The following GANAB variants were observed in gnomAD, a reference collection of about 807,000 sequenced individuals.
GANAB encodes glucosidase II alpha subunit.
Under a neutral mutation model 129.9 loss-of-function variants are expected in GANAB, and 35 were observed. The observed-to-expected ratio is 0.27, with a 90% CI of 0.21 to 0.36. The LOEUF (loss-of-function observed/expected upper bound fraction) is 0.36. GANAB is among the 10% of genes least tolerant of loss of function. The pLI, the probability that GANAB is intolerant of heterozygous loss-of-function variation, is 1.00. For missense variants in GANAB, 939 were observed against 1,221.0 expected, an observed-to-expected ratio of 0.77 and a Z score of 3.44; for synonymous variants, 482 against 451.8, an observed-to-expected ratio of 1.07 and a Z score of -0.85.
In GANAB at chr11:62,626,115, A is replaced by G; in HGVS notation, c.2675T>C (p.Val892Ala). Residue 892 changes from valine (V) to alanine (A), a missense_variant, in exon 23 of 24, where the codon GTG becomes GCG. Transcript: ENST00000356638. ...TGGCTTTCCAGCCCCTATTATCACC[A>G]CCCGCTCAATCCAGATTGGTGTCTC... ...HFETPIWIERVVIIGAGKPAA... is the reference protein window; with the variant it reads ...HFETPIWIERAVIIGAGKPAA... 6.2e-7 allele frequency: 1 copy of G among 1,613,712 alleles called. No homozygotes were observed.
intron 1 of GANAB, among the ~76,000 whole-genome samples, chr11:62,646,095 G>A (rs1054919473): frequency 6.6e-5 from 10 of 152,334 alleles, no homozygotes; most frequent in African/African-American, 2.4e-4. Context: ...AGGATTCGGA[G>A]CTCTACAGGG....
At position 62,630,618 on chromosome 11, in the gene GANAB, C is replaced by T. The variant is rs1943626259; in HGVS notation, c.1369G>A (p.Ala457Thr). ...CCCCTTACCTTCCGCCTCTTAGAAG[C>T]CAAGCGCTCAAGCATGGTGCGGGGC... ...PQPRTMLERL[A>T]SKRRKLVAIV... is the part of the protein sequence containing the mutation. The change falls in exon 11 of 24, where the codon GCT becomes ACT. Residue 457 changes from alanine to threonine, a missense_variant. Physicochemically the swap from Ala to Thr is moderately conservative, Grantham distance 58. This residue lies in a region of GANAB where 220 missense variants were observed against 295.9 expected (regional missense o/e 0.74). Transcript: ENST00000356638. The T allele has an allele frequency of 1.9e-6, 3 of 1,611,994 alleles. No homozygotes were observed. Among genetic ancestry groups the T allele is most frequent in the South Asian group, 1.1e-5 (1 of 91,050 alleles).
intron 1 of GANAB, among the ~76,000 whole-genome samples, chr11:62,643,966 C>T (rs1195920526): frequency 2.0e-5 from 3 of 152,148 alleles, no homozygotes; most frequent in Non-Finnish European, 1.5e-5. Context: ...TTTTTTGAAA[C>T]TGAGTTTCAC....
rs1302293629 is a variant in GANAB at position 62,625,439 on chromosome 11, G to A, written c.*376C>T. The stretch of plus-strand genomic sequence containing the variant: ...TTGCCCTCATCTTCTTCCAAGAAGT[G>A]GCATCAACATACAAGAGGCATGAAT... On this transcript the variant is annotated 3_prime_UTR_variant, in exon 24 of 24. Coordinates refer to ENST00000356638, the MANE Select transcript of GANAB (RefSeq NM_198334.3). 2 of 396,552 alleles carry A rather than the reference G, an allele frequency of 5.0e-6. No homozygotes were observed. The highest frequency in any genetic ancestry group is 6.7e-5 in the East Asian group (1 of 14,818). 24.6% of individuals were successfully genotyped at this position (396,552 alleles called of 1,614,324 possible).
At chr11:62,643,402 C>T (rs896498539) in intron 1 of GANAB, among the ~76,000 whole-genome samples, 1 of 151,976 alleles carries the variant, frequency 6.6e-6, no homozygotes, top group Non-Finnish European at 1.5e-5. Context: ...CTTTGTGAAG[C>T]TGAGGCGGGT....
At chr11:62,641,010 A>C (rs929508260) in intron 1 of GANAB, among the ~76,000 whole-genome samples, 1 of 151,988 alleles carries the variant, frequency 6.6e-6, no homozygotes, top group African/African-American at 2.4e-5. Flanking sequence ...ACATCTTTCT[A>C]TCGGCAAGGC....
intron 17 of GANAB, among the ~76,000 whole-genome samples, chr11:62,628,108 T>G (rs1355223988): frequency 6.6e-6 from 1 of 152,182 alleles, no homozygotes; most frequent in Admixed American, 6.5e-5. Context: ...TTTAGAATTT[T>G]TGTACTTGCA....
intron 1 of GANAB, among the ~76,000 whole-genome samples, chr11:62,643,420 C>T (rs1259030089): frequency 6.6e-6 from 1 of 151,804 alleles, no homozygotes; most frequent in Non-Finnish European, 1.5e-5. Flanking sequence ...GGTGGATCAC[C>T]TGAGGTCAGG....
intron 4 of GANAB, among the ~76,000 whole-genome samples, chr11:62,635,372 G>A (rs912374083): frequency 6.6e-6 from 1 of 151,746 alleles, no homozygotes; most frequent in African/African-American, 2.4e-5. Context: ...TAGTAGAGAT[G>A]GGGTTTCTTC....
chr11:62,637,925 C>T (rs1944021809), intron 4 of GANAB, among the ~76,000 whole-genome samples: 1 of 151,234 alleles, frequency 6.6e-6, no homozygotes, highest in Non-Finnish European at 1.5e-5. Flanking sequence ...AAAACGGAAA[C>T]CCCAGAAGAC....
chr11:62,635,629 C>CTTT (rs879709853), intron 4 of GANAB, among the ~76,000 whole-genome samples: 1,628 of 142,038 alleles, frequency 0.011, 18 homozygotes, highest in African/African-American at 0.027. Context: ...TGATGTACTT[C>CTTT]TTTTTTTTTT....
Position 62,625,319 on chromosome 11 carries a change from G to C in GANAB, c.*496C>G, listed in dbSNP as rs528749214. 1.3e-5 allele frequency: 6 copies of C among 454,742 alleles called. No homozygotes were observed. Among genetic ancestry groups the C allele is most frequent in the South Asian group, 9.3e-5 (6 of 64,322 alleles). The allele number at this position is 454,742 out of a possible 1,614,324, so 28.2% of individuals were successfully genotyped here. On this transcript the variant is annotated 3_prime_UTR_variant, in exon 24 of 24. Transcript: ENST00000356638. Reference sequence around the variant, plus strand: ...GGGTAAGGGGTGGTCCCAGTGTATCGGTGGGGCATAAAAAGGGGAGTAAAG... The same window carrying C: ...GGGTAAGGGGTGGTCCCAGTGTATCCGTGGGGCATAAAAAGGGGAGTAAAG...
intron 15 of GANAB, 95 bp from the exon 16 acceptor site, chr11:62,629,390 CCT>C: frequency 1.1e-6 from 1 of 945,638 alleles, no homozygotes; most frequent in Non-Finnish European, 1.7e-6. Context: ...TCCCCAGAAC[CCT>C]GCTGAAGATG....
chr11:62,626,762 G>T, intron 20 of GANAB, 78 bp from the exon 21 acceptor site: 1 of 1,307,986 alleles, frequency 7.6e-7, no homozygotes, highest in Non-Finnish European at 1.1e-6. Flanking sequence ...GCTTACTCAT[G>T]TATGCCCACA....
chr11:62,636,470 C>T (rs906306897), intron 4 of GANAB, among the ~76,000 whole-genome samples: 2 of 151,350 alleles, frequency 1.3e-5, no homozygotes, highest in African/African-American at 4.9e-5. Context: ...TCTCATAACC[C>T]GATCTCAAAA....
In GANAB at chr11:62,632,993, C is replaced by CAGGAAG. The variant is rs1476683630; in HGVS notation, c.815+11_815+12insCTTCCT. ...CCCACCTCCATCTTCCTGATGTCAC[C>CAGGAAG]ATAGGACTCACTCAGTGACCTTCAG... is the stretch of plus-strand genomic sequence containing the variant. On this transcript the variant is annotated intron_variant, in intron 8 of 23. Transcript: ENST00000356638. The CAGGAAG allele has an allele frequency of 4.0e-6, 6 of 1,493,982 alleles. No individual in the cohort carries two copies. The highest frequency in any genetic ancestry group is 4.7e-6 in the Non-Finnish European group (5 of 1,070,866). The allele number at this position is 1,493,982 out of a possible 1,614,324, so 92.5% of individuals were successfully genotyped here. A position where few individuals can be genotyped will look rare whatever the true frequency, so the allele number is the denominator to read the frequency against.
At position 62,626,880 on chromosome 11, in the gene GANAB, G is replaced by A; in HGVS notation, c.2377C>T (p.Leu793=). ...CTCACACTGCTTAGAGTTACAGGCA[G>A]GTACAGGGTCTGGGGACCATGATGC... The part of the protein sequence containing the change: ...QKHHGPQTLY[L]PVTLSSIPVF... Residue 793 remains leucine (L), a synonymous_variant, in exon 20 of 24, where the codon CTG becomes TTG. Transcript: ENST00000356638. 1 of 1,611,588 alleles carries A rather than the reference G, an allele frequency of 6.2e-7. No individual in the cohort carries two copies. The highest frequency in any genetic ancestry group is 8.5e-7 in the Non-Finnish European group (1 of 1,177,916).
In GANAB at chr11:62,629,957, C is replaced by A; in HGVS notation, c.1594G>T (p.Gly532Cys). The stretch of plus-strand genomic sequence containing the variant: ...CAGACAAAGAGGTTGGGAGCTGAGC[C>A]CTGGGAACGTGGGCAGAAAATGGGG... ...ANMFSYDNYE[G>C]SAPNLFVWND... Residue 532 changes from glycine to cysteine, a missense_variant and splice_region_variant, in exon 14 of 24, where the codon GGC becomes TGC. By Grantham distance (159) the Gly-to-Cys change is radical (BLOSUM62 -3). Coordinates refer to ENST00000356638, the MANE Select transcript of GANAB (RefSeq NM_198334.3). 1 of 1,613,902 alleles carries A rather than the reference C, an allele frequency of 6.2e-7. No individual in the cohort carries two copies. Among genetic ancestry groups the A allele is most frequent in the Non-Finnish European group, 8.5e-7 (1 of 1,179,866 alleles).
Position 62,630,448 on chromosome 11 carries a change from C to A in GANAB, c.1444G>T (p.Glu482Ter). 6.2e-7 allele frequency: 1 copy of A among 1,614,184 alleles called. No individual in the cohort carries two copies. The highest frequency in any genetic ancestry group is 2.2e-5 in the East Asian group (1 of 44,890). The change falls in exon 12 of 24, where the codon GAG becomes TAG. Residue 482 changes from glutamate (E) to a stop codon, truncating the protein, a stop_gained. Coordinates refer to ENST00000356638, the MANE Select transcript of GANAB (RefSeq NM_198334.3). LOFTEE classifies it high-confidence loss of function. ...KVDSGYRVHE[E>*]LRNLGLYVKT... ...ACATACAGCCCCAGGTTCCGCAGCT[C>A]CTCGTGAACTCGGTAGCCGGAGTCC...
Sources: gnomAD v4.1 joint callset for allele counts (sites outside exome capture counted in the v4.1 genomes callset) on GRCh38, gnomAD v4.1.1 for gene constraint, gnomAD v4.1.1 regional missense constraint, MANE v1.5 for transcripts, NCBI Gene and HGNC (gene_info 2026-07-23, HGNC 2026-07-21) for gene names.